NTNG1: variants seen among roughly 807,000 people sequenced by gnomAD.
The protein encoded by NTNG1 is netrin-G1.
A neutral mutation model predicts 54.0 loss-of-function variants in NTNG1; 16 were observed. The observed-to-expected ratio is 0.30, with a 90% CI of 0.20 to 0.45. The LOEUF is 0.45. Ranked by LOEUF, NTNG1 falls within the 20% of genes least tolerant of loss-of-function variation. The pLI is 1.00. For synonymous variants in NTNG1, 255 were observed against 263.1 expected (o/e 0.97, Z 0.30); for missense variants, 530 against 678.7 (o/e 0.78, Z 2.43).
At chr1:107,461,081 T>C (rs1045615348) in intron 7 of NTNG1, among the ~76,000 whole-genome samples, 2 of 152,154 alleles carry the variant, frequency 1.3e-5, no homozygotes, top group African/African-American at 4.8e-5. Flanking sequence ...TCAATACATG[T>C]GTAAAAAGCG....
chr1:107,320,274 A>T (rs1667577208), intron 2 of NTNG1, among the ~76,000 whole-genome samples: 1 of 152,148 alleles, frequency 6.6e-6, no homozygotes, highest in Admixed American at 6.6e-5. Flanking sequence ...TCAGCTAAGG[A>T]TATGTTGCTT....
intron 7 of NTNG1, among the ~76,000 whole-genome samples, chr1:107,446,731 A>G (rs1265597382): frequency 1.3e-5 from 2 of 152,108 alleles, no homozygotes; most frequent in African/African-American, 2.4e-5. Flanking sequence ...GTTAAAATGC[A>G]TATATGTTTT....
At chr1:107,279,205 C>A (rs989812426) in intron 2 of NTNG1, among the ~76,000 whole-genome samples, 3 of 152,108 alleles carry the variant, frequency 2.0e-5, no homozygotes, top group Non-Finnish European at 4.4e-5. Flanking sequence ...AAAATAATGT[C>A]ACATTATTTT....
intron 2 of NTNG1, among the ~76,000 whole-genome samples, chr1:107,205,970 A>G (rs1659160276): frequency 6.6e-6 from 1 of 152,152 alleles, no homozygotes; most frequent in Non-Finnish European, 1.5e-5. Context: ...AATCTGCATT[A>G]TTGTATATAG....
chr1:107,249,193 A>T lies in NTNG1; in HGVS notation c.247-75089A>T, dbSNP rs968938386. 8.0e-5 allele frequency among the ~76,000 whole-genome samples: 12 copies of T among 150,382 alleles called. 1 individual carries two copies. The highest frequency in any genetic ancestry group is 8.0e-4 in the Admixed American group (12 of 15,086). ...TAATAATAATAATAATTTAAAAGTT[A>T]GTTTGGGTAAGGCCGGGCACGGTGG... On this transcript the variant is annotated intron_variant, in intron 2 of 7. Coordinates refer to ENST00000370068, the MANE Select transcript of NTNG1 (RefSeq NM_001113226.3).
At chr1:107,238,760 C>T (rs1391735475) in intron 2 of NTNG1, among the ~76,000 whole-genome samples, 2 of 151,816 alleles carry the variant, frequency 1.3e-5, no homozygotes, top group African/African-American at 4.8e-5. Context: ...GTGAGGTCTC[C>T]CCAGCCATGT....
At chr1:107,207,183 G>T (rs886314308) in intron 2 of NTNG1, among the ~76,000 whole-genome samples, 1 of 152,090 alleles carries the variant, frequency 6.6e-6, no homozygotes, top group Admixed American at 6.5e-5. Flanking sequence ...TTCCCAGTCT[G>T]ACACAGCTTT....
chr1:107,480,576 G>GGGCCCCCCCC, intron 7 of NTNG1, 35 bp from the exon 8 acceptor site: 1 of 339,098 alleles, frequency 2.9e-6, no homozygotes, highest in Non-Finnish European at 5.7e-6. Flanking sequence ...TCCTCCCCGC[G>GGGCCCCCCCC]CCCACCCACC....
At chr1:107,480,569 T>TGCCCCC in intron 7 of NTNG1, 42 bp from the exon 8 acceptor site, 18 of 609,582 alleles carry the variant, frequency 3.0e-5, no homozygotes, top group East Asian at 5.6e-5. Flanking sequence ...CTGCTTCTCC[T>TGCCCCC]CCCCGCGCCC....
intron 2 of NTNG1, among the ~76,000 whole-genome samples, chr1:107,210,517 G>A (rs1659528691): frequency 6.6e-6 from 1 of 152,176 alleles, no homozygotes; most frequent in Non-Finnish European, 1.5e-5. Flanking sequence ...GAGGGAAGTT[G>A]AGGCATTTGC....
chr1:107,250,341 C>T (rs1459486975), intron 2 of NTNG1, among the ~76,000 whole-genome samples: 8 of 152,086 alleles, frequency 5.3e-5, no homozygotes, highest in Non-Finnish European at 1.2e-4. Context: ...GGAAGTGATA[C>T]ACAAAGGAAG....
At chr1:107,317,479 G>A (rs1229596745) in intron 2 of NTNG1, among the ~76,000 whole-genome samples, 1 of 152,134 alleles carries the variant, frequency 6.6e-6, no homozygotes, top group Admixed American at 6.6e-5. Flanking sequence ...GATTCTGTTA[G>A]TATTTATTTC....
At chr1:107,195,849 C>T (rs1658278761) in intron 2 of NTNG1, among the ~76,000 whole-genome samples, 1 of 151,976 alleles carries the variant, frequency 6.6e-6, no homozygotes, top group South Asian at 2.1e-4. Flanking sequence ...CTTTCCTAGA[C>T]ACGCTTTCTA....
intron 2 of NTNG1, among the ~76,000 whole-genome samples, chr1:107,245,587 G>A (rs544746505): frequency 3.9e-5 from 6 of 151,994 alleles, no homozygotes; most frequent in Non-Finnish European, 7.4e-5. Flanking sequence ...ACTATTGTTT[G>A]TAATCAATAC....
intron 7 of NTNG1, among the ~76,000 whole-genome samples, chr1:107,473,597 G>T (rs1036183528): frequency 6.6e-6 from 1 of 152,160 alleles, no homozygotes; most frequent in Non-Finnish European, 1.5e-5. Flanking sequence ...CCAAAAAAAT[G>T]AAAGAATTAA....
intron 2 of NTNG1, among the ~76,000 whole-genome samples, chr1:107,168,634 A>T (rs779931401): frequency 2.0e-5 from 3 of 152,138 alleles, no homozygotes; most frequent in Non-Finnish European, 4.4e-5. Context: ...TTTAAATTGC[A>T]TCCTGGATAA....
chr1:107,228,830 AC>A lies in NTNG1; in HGVS notation c.246+79992del, dbSNP rs1660861677. ...CCAATGGGGAGTCTCAGCTGGCATA[AC>A]ATATGAACCAGGTAAGTGAACATAA... On this transcript the variant is annotated intron_variant, in intron 2 of 7. Transcript: ENST00000370068. 5.3e-5 allele frequency among the ~76,000 whole-genome samples: 8 copies of A among 152,330 alleles called. No homozygotes were observed. The South Asian group carries it at 1.7e-3, about 32-fold the overall frequency.
At chr1:107,247,746 A>G (rs1662299881) in intron 2 of NTNG1, among the ~76,000 whole-genome samples, 1 of 152,184 alleles carries the variant, frequency 6.6e-6, no homozygotes, top group South Asian at 2.1e-4. Context: ...TATAAAAAAC[A>G]AAAACAAAAA....
chr1:107,167,784 A>G (rs1655918555), intron 2 of NTNG1, among the ~76,000 whole-genome samples: 1 of 152,020 alleles, frequency 6.6e-6, no homozygotes, highest in South Asian at 2.1e-4. Flanking sequence ...ATGTAAGTAT[A>G]TTGCCCTTAA....
Sources: allele counts gnomAD v4.1 joint callset (sites outside exome capture counted in the v4.1 genomes callset), GRCh38; gene constraint gnomAD v4.1.1; transcripts MANE v1.5; gene names NCBI Gene and HGNC (gene_info 2026-07-23, HGNC 2026-07-21).